The following HMBOX1 variants were observed in gnomAD, a reference collection of about 807,000 sequenced individuals.
The protein encoded by HMBOX1 is homeobox containing 1, also known as homeobox-containing protein 1.
HMBOX1 carries 14 observed loss-of-function variants against 54.5 expected under a neutral mutation model. That is an observed-to-expected ratio of 0.26 (90% confidence interval 0.17 to 0.40). HMBOX1 has a LOEUF of 0.40. Among genes scored for constraint, HMBOX1 ranks in the 10% least tolerant of loss-of-function variants. The pLI is 1.00. For synonymous variants in HMBOX1, 160 were observed against 181.0 expected, an observed-to-expected ratio of 0.88 and a Z score of 0.93; for missense variants, 332 against 514.4, an observed-to-expected ratio of 0.65 and a Z score of 3.43.
intron 5 of HMBOX1, 127 bp from the exon 6 acceptor site, chr8:29,018,633 A>T: frequency 1.1e-6 from 1 of 887,716 alleles, no homozygotes; most frequent in Non-Finnish European, 1.7e-6. Context: ...AATTTTTCAG[A>T]GAAAGATACA....
At chr8:28,971,582 G>A (rs1330515531) in intron 3 of HMBOX1, among the ~76,000 whole-genome samples, 1 of 152,134 alleles carries the variant, frequency 6.6e-6, no homozygotes, top group Non-Finnish European at 1.5e-5. Context: ...AATAGCATTT[G>A]TTTTAAAATA....
intron 6 of HMBOX1, among the ~76,000 whole-genome samples, chr8:29,036,148 G>T (rs917134040): frequency 1.3e-5 from 2 of 152,162 alleles, no homozygotes; most frequent in African/African-American, 2.4e-5. Context: ...GGCAAGTGGG[G>T]TCTAGTGGCA....
chr8:29,038,341 A>G (rs943456972), intron 6 of HMBOX1, among the ~76,000 whole-genome samples: 2 of 152,148 alleles, frequency 1.3e-5, no homozygotes, highest in Admixed American at 6.5e-5. Context: ...GTCCTTTGTA[A>G]AAGTGTAGTG....
chr8:28,967,487 T>C (rs1256660550), intron 2 of HMBOX1, among the ~76,000 whole-genome samples: 2 of 152,222 alleles, frequency 1.3e-5, no homozygotes, highest in African/African-American at 4.8e-5. Context: ...TTTATGCTAA[T>C]ACAGAGTGCT....
chr8:28,950,120 A>C (rs1823148279), intron 1 of HMBOX1, among the ~76,000 whole-genome samples: 1 of 152,236 alleles, frequency 6.6e-6, no homozygotes, highest in African/African-American at 2.4e-5. Flanking sequence ...GCCAGTATGT[A>C]TGTCTTTATG....
chr8:29,014,602 TTA>T (rs1232694619), intron 5 of HMBOX1, among the ~76,000 whole-genome samples: 1 of 152,174 alleles, frequency 6.6e-6, no homozygotes, highest in Non-Finnish European at 1.5e-5. Context: ...TAATGTAACA[TTA>T]TGTTTTAAAG....
chr8:28,928,132 T>C, intron 1 of HMBOX1, among the ~76,000 whole-genome samples: 1 of 148,476 alleles, frequency 6.7e-6, no homozygotes, highest in Admixed American at 6.7e-5. Context: ...AGACTCCGTC[T>C]CAAAAAAAAA....
chr8:28,968,378 G>A (rs1449500518), intron 2 of HMBOX1, among the ~76,000 whole-genome samples: 1 of 152,202 alleles, frequency 6.6e-6, no homozygotes, highest in East Asian at 1.9e-4. Flanking sequence ...TTCCAGTTAA[G>A]TCCTGCAATG....
chr8:28,971,026 A>G (rs1827308089), intron 3 of HMBOX1, among the ~76,000 whole-genome samples: 1 of 137,246 alleles, frequency 7.3e-6, no homozygotes, highest in Non-Finnish European at 1.6e-5. Flanking sequence ...ACACACACAC[A>G]CACATTGTCT....
intron 1 of HMBOX1, among the ~76,000 whole-genome samples, chr8:28,894,604 C>T (rs1307960989): frequency 6.6e-6 from 1 of 152,180 alleles, no homozygotes; most frequent in African/African-American, 2.4e-5. Flanking sequence ...CCCCACATTG[C>T]CCTTACTGGA....
rs891432146 is a variant in HMBOX1 at position 29,049,595 on chromosome 8, T to G, written c.1125+547T>G. 8.3e-6 allele frequency: 5 copies of G among 599,828 alleles called. No individual in the cohort carries two copies. In the Admixed American group the frequency reaches 9.5e-5, roughly 11 times the overall value. 37.2% of individuals were successfully genotyped at this position (599,828 alleles called of 1,614,324 possible). Reference sequence around the variant, plus strand: ...ACTGACACATGCATCCTCTCATAAGTGCAATACCTGCATGACTCTTCACCT... The same window carrying G: ...ACTGACACATGCATCCTCTCATAAGGGCAATACCTGCATGACTCTTCACCT... On this transcript the variant is annotated intron_variant, in intron 9 of 9. Coordinates refer to ENST00000287701, the MANE Select transcript of HMBOX1 (RefSeq NM_001135726.3).
intron 6 of HMBOX1, among the ~76,000 whole-genome samples, chr8:29,029,702 C>T (rs1326032624): frequency 6.6e-6 from 1 of 152,188 alleles, no homozygotes; most frequent in Non-Finnish European, 1.5e-5. Context: ...ATTTTGAGAA[C>T]TTACGGTTAC....
chr8:29,048,128 A>G (rs1390090373), intron 8 of HMBOX1, among the ~76,000 whole-genome samples: 1 of 152,326 alleles, frequency 6.6e-6, no homozygotes, highest in Non-Finnish European at 1.5e-5. Context: ...TTACTGGACT[A>G]TGACTTAAAT....
intron 5 of HMBOX1, among the ~76,000 whole-genome samples, chr8:29,015,523 C>T (rs1834869994): frequency 6.6e-6 from 1 of 152,154 alleles, no homozygotes; most frequent in African/African-American, 2.4e-5. Flanking sequence ...TTCCAGAGCT[C>T]TTGCTGTGCT....
intron 6 of HMBOX1, 67 bp from the exon 7 acceptor site, chr8:29,045,294 G>A (rs1805411373): frequency 8.5e-7 from 1 of 1,181,432 alleles, no homozygotes; most frequent in East Asian, 2.3e-5. Flanking sequence ...TTTTCAGTGA[G>A]TTAGTGTTTT....
At chr8:29,026,527 A>G (rs1802073763) in intron 6 of HMBOX1, among the ~76,000 whole-genome samples, 1 of 152,184 alleles carries the variant, frequency 6.6e-6, no homozygotes, top group Non-Finnish European at 1.5e-5. Context: ...TATGAATTAT[A>G]TCAAGCTGCT....
intron 1 of HMBOX1, among the ~76,000 whole-genome samples, chr8:28,919,393 G>A (rs998587800): frequency 2.6e-5 from 4 of 152,122 alleles, no homozygotes; most frequent in Non-Finnish European, 4.4e-5. Context: ...AATTTTGACT[G>A]CATAAAATGA....
chr8:28,920,168 T>C (rs1667383639), intron 1 of HMBOX1, among the ~76,000 whole-genome samples: 1 of 152,218 alleles, frequency 6.6e-6, no homozygotes, highest in South Asian at 2.1e-4. Flanking sequence ...GTTAACCTTT[T>C]ATTTATATTC....
At chr8:28,929,532 T>G (rs1026061840) in intron 1 of HMBOX1, among the ~76,000 whole-genome samples, 1 of 152,166 alleles carries the variant, frequency 6.6e-6, no homozygotes, top group African/African-American at 2.4e-5. Context: ...TGGGGAAGAA[T>G]GAGAGCGTGT....
Sources: gnomAD v4.1 joint callset for allele counts (sites outside exome capture counted in the v4.1 genomes callset) on GRCh38, gnomAD v4.1.1 for gene constraint, MANE v1.5 for transcripts, NCBI Gene and HGNC (gene_info 2026-07-23, HGNC 2026-07-21) for gene names.